The following AMD1 variants were observed in gnomAD, a reference collection of about 807,000 sequenced individuals.
AMD1 encodes S-adenosylmethionine decarboxylase proenzyme.
AMD1 carries 11 observed loss-of-function variants against 40.2 expected under a neutral mutation model. That is an observed-to-expected ratio of 0.27 (90% CI 0.17 to 0.45). The LOEUF is 0.45. Ranked by LOEUF, AMD1 falls within the 20% of genes least tolerant of loss-of-function variation. The pLI, the probability that AMD1 is intolerant of heterozygous loss-of-function variation, is 1.00. For missense variants in AMD1, 257 were observed against 410.2 expected (o/e 0.63, Z 3.23); for synonymous variants, 121 against 130.8 (o/e 0.93, Z 0.51).
intron 1 of AMD1, among the ~76,000 whole-genome samples, chr6:110,882,422 A>G (rs1313691779): frequency 6.6e-6 from 1 of 152,220 alleles, no homozygotes; most frequent in African/African-American, 2.4e-5. Context: ...GAAAATAACC[A>G]TAGTCAATGT....
chr6:110,856,161 A>G, the AMD1 span, among the ~76,000 whole-genome samples: 2 of 150,552 alleles, frequency 1.3e-5, no homozygotes, highest in Admixed American at 6.7e-5. Flanking sequence ...AGTAGAGGTC[A>G]CAGATGTCAA....
chr6:110,883,656 A>G (rs1785523235), intron 1 of AMD1, among the ~76,000 whole-genome samples: 1 of 152,104 alleles, frequency 6.6e-6, no homozygotes, highest in Non-Finnish European at 1.5e-5. Flanking sequence ...CAGTGACACG[A>G]TCTCGGCTCA....
chr6:110,836,012 CAAAAAAAAAAAA>C, the AMD1 span, among the ~76,000 whole-genome samples: 4 of 60,750 alleles, frequency 6.6e-5, no homozygotes, highest in African/African-American at 1.8e-4. Flanking sequence ...GACCTTGACT[CAAAAAAAAAAAA>C]AAAAAAAAAA....
intron 8 of AMD1, 79 bp downstream of exon 8, chr6:110,893,144 G>A: frequency 7.7e-7 from 1 of 1,295,442 alleles, no homozygotes. Context: ...GGCCTAAGAT[G>A]TATTCTGAGA....
chr6:110,832,202 T>G, the AMD1 span, among the ~76,000 whole-genome samples: 1 of 151,752 alleles, frequency 6.6e-6, no homozygotes, highest in Non-Finnish European at 1.5e-5. Flanking sequence ...AGACAGGGTT[T>G]TACCATATTG....
intron 4 of AMD1, chr6:110,891,738 A>G (rs187164557): frequency 5.5e-4 from 104 of 189,026 alleles, no homozygotes; most frequent in African/African-American, 2.3e-3. Flanking sequence ...CATTCCTTTC[A>G]CTGATGACAT....
chr6:110,870,985 A>C (rs1421615831), upstream of AMD1, among the ~76,000 whole-genome samples: 1 of 152,242 alleles, frequency 6.6e-6, no homozygotes, highest in Non-Finnish European at 1.5e-5. Flanking sequence ...TTAAGCTAAG[A>C]TCTAAATGAC....
chr6:110,882,909 A>G (rs1219251800), intron 1 of AMD1, among the ~76,000 whole-genome samples: 1 of 152,212 alleles, frequency 6.6e-6, no homozygotes. Context: ...TCATTAGCCC[A>G]GGAGTTTGAG....
At chr6:110,831,192 C>A in the AMD1 span, among the ~76,000 whole-genome samples, 3 of 152,046 alleles carry the variant, frequency 2.0e-5, no homozygotes, top group African/African-American at 7.2e-5. Flanking sequence ...GTAATCCCAA[C>A]ACTTCAGGAG....
upstream of AMD1, among the ~76,000 whole-genome samples, chr6:110,871,123 AT>A (rs2115260763): frequency 6.6e-6 from 1 of 152,338 alleles, no homozygotes; most frequent in South Asian, 2.1e-4. Context: ...TTGGAGGATA[AT>A]TAATTCAGGA....
At chr6:110,852,796 A>G in the AMD1 span, among the ~76,000 whole-genome samples, 50 of 152,270 alleles carry the variant, frequency 3.3e-4, no homozygotes, top group African/African-American at 8.7e-4. Context: ...ACTCTACCTT[A>G]TAGGTAGTCA....
chr6:110,859,750 C>T, the AMD1 span, among the ~76,000 whole-genome samples: 21 of 152,160 alleles, frequency 1.4e-4, no homozygotes, highest in African/African-American at 4.8e-4. Flanking sequence ...AAGTGAGGCC[C>T]GTAGAAGGAA....
intron 1 of AMD1, among the ~76,000 whole-genome samples, chr6:110,877,876 A>G (rs999793250): frequency 6.6e-6 from 1 of 152,246 alleles, no homozygotes; most frequent in African/African-American, 2.4e-5. Flanking sequence ...ATCTGTTTAT[A>G]AAGCATAATA....
the AMD1 span, among the ~76,000 whole-genome samples, chr6:110,837,737 AAAAAAAAAATATATATATATATATAT>A: frequency 8.6e-4 from 85 of 98,430 alleles, 2 homozygotes; most frequent in South Asian, 0.026. Context: ...AAAAAAAAAA[AAAAAAAAAATATATATATATATATAT>A]ATATATATAT....
In AMD1 at chr6:110,890,393, A is replaced by T. The variant is rs769318059; in HGVS notation, c.427+37A>T. On this transcript the variant is annotated intron_variant, in intron 4 of 8. Transcript: ENST00000368885. ...TAAAATATAAACCTGTTGTCTTCTT[A>T]AAGATAGAAAGTGCAACCTCAGAGA... 3.5e-6 allele frequency: 5 copies of T among 1,440,734 alleles called. No homozygotes were observed. The African/African-American group carries it at 5.7e-5, about 17-fold the overall frequency. The allele number at this position is 1,440,734 out of a possible 1,614,324, so 89.2% of individuals were successfully genotyped here.
chr6:110,878,634 C>T (rs1439935314), intron 1 of AMD1, among the ~76,000 whole-genome samples: 1 of 152,048 alleles, frequency 6.6e-6, no homozygotes, highest in Non-Finnish European at 1.5e-5. Context: ...AATCAGTGAC[C>T]ATTTAAAAAA....
At chr6:110,867,848 G>A in the AMD1 span, among the ~76,000 whole-genome samples, 1 of 152,148 alleles carries the variant, frequency 6.6e-6, no homozygotes, top group Non-Finnish European at 1.5e-5. Flanking sequence ...CAAATTCTTT[G>A]TTTACTGAAT....
the AMD1 span, among the ~76,000 whole-genome samples, chr6:110,852,260 C>T: frequency 6.7e-5 from 8 of 118,870 alleles, no homozygotes; most frequent in Admixed American, 2.4e-4. Flanking sequence ...CTCTCTCTGT[C>T]GCCCAGGCTG....
chr6:110,826,447 AAAC>A, the AMD1 span, among the ~76,000 whole-genome samples: 168 of 152,054 alleles, frequency 1.1e-3, no homozygotes, highest in African/African-American at 3.9e-3. Context: ...GGGTGGCTTT[AAAC>A]AACAGGAACT....
Sources: gnomAD v4.1 joint callset for allele counts (sites outside exome capture counted in the v4.1 genomes callset) on GRCh38, gnomAD v4.1.1 for gene constraint, MANE v1.5 for transcripts, NCBI Gene and HGNC (gene_info 2026-07-23, HGNC 2026-07-21) for gene names.